The following SNX29 variants were observed in gnomAD, a reference collection of about 807,000 sequenced individuals.
SNX29 encodes sorting nexin-29.
In SNX29, 78 loss-of-function variants were observed where a neutral mutation model predicts 102.1. The observed-to-expected ratio is 0.76, with a 90% CI of 0.64 to 0.92. The LOEUF is 0.92. Among genes scored for constraint, SNX29 ranks in the 40% least tolerant of loss-of-function variants. The pLI is 0.00. For synonymous variants in SNX29, 580 were observed against 414.5 expected (o/e 1.40, Z -4.85); for missense variants, 1,280 against 1,061.7 (o/e 1.21, Z -2.86).
At chr16:12,295,082 G>C (rs72786344) in intron 15 of SNX29, among the ~76,000 whole-genome samples, 5,022 of 152,228 alleles carry the variant, frequency 0.033, 121 homozygotes, top group Middle Eastern at 0.058. Context: ...AGAACAGTAT[G>C]GGGGAAACTG....
At chr16:12,270,364 T>C (rs368100982) in intron 14 of SNX29, among the ~76,000 whole-genome samples, 28 of 152,260 alleles carry the variant, frequency 1.8e-4, no homozygotes, top group African/African-American at 6.7e-4. Flanking sequence ...TCTGTTATTT[T>C]TGCCTCTCAA....
chr16:12,216,950 G>T (rs756389705), intron 14 of SNX29, among the ~76,000 whole-genome samples: 2 of 152,174 alleles, frequency 1.3e-5, no homozygotes, highest in Admixed American at 6.5e-5. Context: ...TTCCACCTAG[G>T]TGGCCAAGCA....
In SNX29 at chr16:12,364,375, A is replaced by G. The variant is rs146164428; in HGVS notation, c.1899+8096A>G. The stretch of plus-strand genomic sequence containing the variant: ...TTTTAAGCTAAGACACTTTTAAGGA[A>G]CAGGAGTTTGGGATTAAGGATTGAA... On this transcript the variant is annotated intron_variant, in intron 16 of 20. Transcript: ENST00000566228. Among the ~76,000 whole-genome samples, 338 of 150,866 alleles carry G rather than the reference A, an allele frequency of 2.2e-3. 6 individuals carry two copies. The East Asian group carries it at 0.05, about 22-fold the overall frequency.
chr16:12,477,988 A>G (rs1411292028), intron 19 of SNX29, 129 bp downstream of exon 19: 4 of 1,138,546 alleles, frequency 3.5e-6, no homozygotes, highest in Non-Finnish European at 4.8e-6. Flanking sequence ...TAAGAAAAAA[A>G]TAGAGAAAAG....
At chr16:12,472,553 A>G (rs970756633) in intron 18 of SNX29, among the ~76,000 whole-genome samples, 16 of 151,788 alleles carry the variant, frequency 1.1e-4, no homozygotes, top group African/African-American at 3.4e-4. Context: ...ACAAAAAAAA[A>G]AAGAAAAAAA....
In SNX29 at chr16:12,212,406, T is replaced by C. The variant is rs543183850; in HGVS notation, c.1678+12723T>C. Among the ~76,000 whole-genome samples, 5 of 152,266 alleles carry C rather than the reference T, an allele frequency of 3.3e-5. No individual in the cohort carries two copies. In the East Asian group the frequency reaches 9.7e-4, roughly 29 times the overall value. ...TTGTCCTTGAAGGCTACTTCGTCCA[T>C]GGTAGACAGAAGCCATTGCCTGGAA... On this transcript the variant is annotated intron_variant, in intron 14 of 20. Coordinates refer to ENST00000566228, the MANE Select transcript of SNX29 (RefSeq NM_032167.5).
chr16:12,328,659 G>C (rs373995953), intron 15 of SNX29, among the ~76,000 whole-genome samples: 50 of 152,256 alleles, frequency 3.3e-4, no homozygotes, highest in Admixed American at 1.2e-3. Flanking sequence ...GAAAAGAATC[G>C]TTCATCCTTT....
chr16:12,357,371 C>G (rs2082165497), intron 16 of SNX29, among the ~76,000 whole-genome samples: 1 of 152,176 alleles, frequency 6.6e-6, no homozygotes, highest in African/African-American at 2.4e-5. Flanking sequence ...TTATCACCCC[C>G]ATTACCAGTA....
At chr16:12,074,148 T>A (rs1215121322) in intron 10 of SNX29, among the ~76,000 whole-genome samples, 2 of 151,070 alleles carry the variant, frequency 1.3e-5, no homozygotes, top group African/African-American at 2.4e-5. Context: ...GTCTTTTAAT[T>A]GGAGCATTTA....
rs889978795 is a variant in SNX29, at chr16:12,492,747, A to C, written c.2178+14888A>C. 7.9e-5 allele frequency among the ~76,000 whole-genome samples: 12 copies of C among 152,210 alleles called. No individual in the cohort carries two copies. The East Asian group carries it at 1.2e-3, about 15-fold the overall frequency. ...GGGATCCAGTTTCAGCTTTCTACAT[A>C]TGGCTAGCCAGTTTTCCCAGCACCA... On this transcript the variant is annotated intron_variant, in intron 19 of 20. Coordinates refer to ENST00000566228, the MANE Select transcript of SNX29 (RefSeq NM_032167.5).
At chr16:12,527,352 G>A (rs774042689) in intron 20 of SNX29, 3 of 505,774 alleles carry the variant, frequency 5.9e-6, no homozygotes, top group South Asian at 4.9e-5. Context: ...GAGATTTCTG[G>A]TTAAAAAAAA....
At chr16:12,188,919 C>T (rs779376450) in intron 13 of SNX29, among the ~76,000 whole-genome samples, 9 of 152,216 alleles carry the variant, frequency 5.9e-5, no homozygotes, top group Non-Finnish European at 1.0e-4. Flanking sequence ...ACTTCTTGTA[C>T]GTGGGAGGTA....
chr16:12,344,815 C>A (rs1335282868), intron 15 of SNX29, among the ~76,000 whole-genome samples: 1 of 152,226 alleles, frequency 6.6e-6, no homozygotes, highest in Non-Finnish European at 1.5e-5. Context: ...TGCCTTCTAA[C>A]TCCCAGGTCT....
At chr16:12,317,441 GT>G (rs768083915) in intron 15 of SNX29, among the ~76,000 whole-genome samples, 2 of 152,244 alleles carry the variant, frequency 1.3e-5, no homozygotes, top group Non-Finnish European at 2.9e-5. Flanking sequence ...GATGCTGGGA[GT>G]TTGGGCAGCT....
At chr16:12,020,862 GAT>G (rs2056998948) in intron 3 of SNX29, among the ~76,000 whole-genome samples, 1 of 152,118 alleles carries the variant, frequency 6.6e-6, no homozygotes, top group Non-Finnish European at 1.5e-5. Flanking sequence ...GACCTCAGGT[GAT>G]CCTCCCATCT....
At chr16:12,564,220 A>T (rs1188797784) in intron 20 of SNX29, among the ~76,000 whole-genome samples, 1 of 149,086 alleles carries the variant, frequency 6.7e-6, no homozygotes, top group East Asian at 2.0e-4. Flanking sequence ...AGACCCCCAC[A>T]TCTCTAAGAG....
At chr16:12,008,026 C>G (rs1401824198) in intron 3 of SNX29, among the ~76,000 whole-genome samples, 1 of 152,180 alleles carries the variant, frequency 6.6e-6, no homozygotes, top group Admixed American at 6.5e-5. Context: ...TCCCTGCAAG[C>G]TCTGCCTCCC....
At chr16:12,353,134 G>C (rs541775319) in intron 15 of SNX29, among the ~76,000 whole-genome samples, 3 of 152,128 alleles carry the variant, frequency 2.0e-5, no homozygotes, top group Non-Finnish European at 4.4e-5. Context: ...AATGTCAAAG[G>C]ATGTGAACTG....
At chr16:12,447,662 C>T (rs1350495886) in intron 18 of SNX29, among the ~76,000 whole-genome samples, 2 of 152,154 alleles carry the variant, frequency 1.3e-5, no homozygotes, top group East Asian at 1.9e-4. Flanking sequence ...CTAATTGGAG[C>T]CTTTTGAAAA....
Sources: gnomAD v4.1 joint callset for allele counts (sites outside exome capture counted in the v4.1 genomes callset) on GRCh38, gnomAD v4.1.1 for gene constraint, MANE v1.5 for transcripts, NCBI Gene and HGNC (gene_info 2026-07-23, HGNC 2026-07-21) for gene names.